Variants in PRIM2 observed in about 807,000 individuals in gnomAD.
The protein encoded by PRIM2 is DNA primase subunit 2, also known as DNA primase large subunit.
PRIM2 carries 39 observed loss-of-function variants against 67.3 expected under a neutral mutation model. That is an observed-to-expected ratio of 0.58 (90% CI 0.45 to 0.76). PRIM2 has a LOEUF of 0.76. Among genes scored for constraint, PRIM2 ranks in the 30% least tolerant of loss-of-function variants. The probability of loss-of-function intolerance (pLI) is 0.00; values close to 1 mark genes in which losing one functional copy is unlikely to be tolerated. For missense variants in PRIM2, 398 were observed against 598.7 expected, an observed-to-expected ratio of 0.66 and a Z score of 3.50; for synonymous variants, 143 against 198.7, an observed-to-expected ratio of 0.72 and a Z score of 2.36.
intron 8 of PRIM2, among the ~76,000 whole-genome samples, chr6:57,512,482 A>G (rs1554347801): frequency 3.9e-5 from 6 of 152,194 alleles, no homozygotes; most frequent in Non-Finnish European, 7.4e-5. Flanking sequence ...TTTTTGGTGC[A>G]TACTCAGAAC....
the PRIM2 span, among the ~76,000 whole-genome samples, chr6:57,276,945 A>C: frequency 6.6e-6 from 1 of 151,852 alleles, no homozygotes; most frequent in African/African-American, 2.4e-5. Flanking sequence ...TGCGTGTCTC[A>C]AATAAGTCAA....
chr6:57,382,827 C>G (rs564711114), intron 7 of PRIM2: 2 of 152,230 alleles, frequency 1.3e-5, no homozygotes, highest in East Asian at 3.9e-4. Flanking sequence ...AAGAAGACTT[C>G]AAAGGTTTGT....
intron 12 of PRIM2, among the ~76,000 whole-genome samples, chr6:57,610,473 A>C (rs1252149090): frequency 1.3e-5 from 2 of 152,146 alleles, no homozygotes; most frequent in Non-Finnish European, 2.9e-5. Context: ...TTACAGGATC[A>C]CATTTCATTT....
intron 5 of PRIM2, among the ~76,000 whole-genome samples, chr6:57,356,989 A>G (rs987852975): frequency 3.8e-5 from 5 of 130,952 alleles, no homozygotes; most frequent in African/African-American, 5.9e-5. Context: ...GCTGGAGTGT[A>G]GTGGTGCAAT....
chr6:57,543,654 A>G (rs1301004887), intron 10 of PRIM2, among the ~76,000 whole-genome samples: 1 of 152,116 alleles, frequency 6.6e-6, no homozygotes, highest in African/African-American at 2.4e-5. Context: ...ATATTTCTTT[A>G]CCCTAACTTC....
the PRIM2 span, among the ~76,000 whole-genome samples, chr6:57,298,910 T>G: frequency 2.6e-5 from 4 of 152,118 alleles, no homozygotes; most frequent in African/African-American, 4.8e-5. Context: ...TATTCTCCCT[T>G]ATTCCATCTG....
intron 13 of PRIM2, among the ~76,000 whole-genome samples, chr6:57,634,081 T>C (rs1367095218): frequency 6.6e-6 from 1 of 152,220 alleles, no homozygotes; most frequent in African/African-American, 2.4e-5. Flanking sequence ...ACACTACTTA[T>C]AGGGGATAGA....
chr6:57,248,414 G>T, the PRIM2 span, among the ~76,000 whole-genome samples: 1 of 152,110 alleles, frequency 6.6e-6, no homozygotes, highest in Non-Finnish European at 1.5e-5. Context: ...TGTTGTCCAG[G>T]TTCTTGGTGT....
chr6:57,343,218 C>T (rs867376363), intron 5 of PRIM2, among the ~76,000 whole-genome samples: 1 of 151,820 alleles, frequency 6.6e-6, no homozygotes, highest in East Asian at 1.9e-4. Flanking sequence ...TCATTTTGGC[C>T]CTTACTGTGT....
chr6:57,512,083 G>A (rs1774384289), intron 8 of PRIM2, among the ~76,000 whole-genome samples: 2 of 152,224 alleles, frequency 1.3e-5, no homozygotes, highest in African/African-American at 4.8e-5. Flanking sequence ...ATGAGAAACC[G>A]GTAAAAATAC....
chr6:57,474,470 A>G (rs1773426340), intron 7 of PRIM2, among the ~76,000 whole-genome samples: 2 of 152,032 alleles, frequency 1.3e-5, no homozygotes, highest in Admixed American at 1.3e-4. Context: ...CACCGCGCCC[A>G]GCTTACTCTG....
intron 10 of PRIM2, among the ~76,000 whole-genome samples, chr6:57,554,640 C>CGA (rs1389217058): frequency 1.3e-5 from 2 of 152,150 alleles, no homozygotes. Flanking sequence ...TTTATGTTCT[C>CGA]CCCACCCATC....
chr6:57,461,320 G>A (rs1382797418), intron 7 of PRIM2, among the ~76,000 whole-genome samples: 3 of 152,128 alleles, frequency 2.0e-5, no homozygotes, highest in Non-Finnish European at 2.9e-5. Flanking sequence ...GCTCTCACAT[G>A]CTCCTTCACC....
chr6:57,310,532 G>C (rs1161889564), upstream of PRIM2, among the ~76,000 whole-genome samples: 8 of 152,214 alleles, frequency 5.3e-5, no homozygotes, highest in African/African-American at 1.7e-4. Flanking sequence ...AACCACCATC[G>C]TCATCATGGC....
chr6:57,521,018 A>T (rs1554348854), intron 8 of PRIM2, among the ~76,000 whole-genome samples: 2 of 152,192 alleles, frequency 1.3e-5, no homozygotes, highest in Admixed American at 6.5e-5. Context: ...GAGACTTTTT[A>T]AAAAATAAAG....
At chr6:57,465,387 C>T (rs1230434719) in intron 7 of PRIM2, among the ~76,000 whole-genome samples, 5 of 152,196 alleles carry the variant, frequency 3.3e-5, no homozygotes, top group Non-Finnish European at 7.3e-5. Flanking sequence ...AGCAGCTATA[C>T]TGGGTTTCCA....
At chr6:57,617,830 A>C (rs1423517493) in intron 12 of PRIM2, among the ~76,000 whole-genome samples, 1 of 152,182 alleles carries the variant, frequency 6.6e-6, no homozygotes, top group Non-Finnish European at 1.5e-5. Context: ...AAGGTTGTGA[A>C]TATTGACATC....
At chr6:57,547,214 G>A (rs1422329189) in intron 10 of PRIM2, among the ~76,000 whole-genome samples, 3 of 152,102 alleles carry the variant, frequency 2.0e-5, no homozygotes, top group Non-Finnish European at 4.4e-5. Flanking sequence ...CTGGGTGCAA[G>A]AGATATAAAA....
intron 8 of PRIM2, 142 bp from the exon 9 acceptor site, chr6:57,532,269 A>G: frequency 4.8e-6 from 2 of 415,056 alleles, no homozygotes; most frequent in Non-Finnish European, 8.4e-6. Flanking sequence ...ATACGTTTAA[A>G]ACACTTGGCT....
Sources: gnomAD v4.1 joint callset for allele counts (sites outside exome capture counted in the v4.1 genomes callset) on GRCh38, gnomAD v4.1.1 for gene constraint, MANE v1.5 for transcripts, NCBI Gene and HGNC (gene_info 2026-07-23, HGNC 2026-07-21) for gene names.